The following ARID1A variants were observed in gnomAD, a reference collection of about 807,000 sequenced individuals.
The protein encoded by ARID1A is AT-rich interaction domain 1A.
Under a neutral mutation model 212.6 loss-of-function variants are expected in ARID1A, and 20 were observed. The observed-to-expected ratio is 0.09, with a 90% CI of 0.07 to 0.14. ARID1A has a LOEUF of 0.14. Ranked by LOEUF, ARID1A falls within the 10% of genes least tolerant of loss-of-function variation. The pLI, the probability that ARID1A is intolerant of heterozygous loss-of-function variation, is 1.00. For missense variants in ARID1A, 2,587 were observed against 3,059.0 expected, an observed-to-expected ratio of 0.85 and a Z score of 3.64; for synonymous variants, 1,376 against 1,222.1, an observed-to-expected ratio of 1.13 and a Z score of -2.63.
rs754330142 is a variant in ARID1A at position 26,766,448 on chromosome 1, C to G, written c.2879-9C>G. On this transcript the variant is annotated splice_polypyrimidine_tract_variant and intron_variant, in intron 9 of 19. Coordinates refer to ENST00000324856, the MANE Select transcript of ARID1A (RefSeq NM_006015.6). The stretch of plus-strand genomic sequence containing the variant: ...TTACTGGACTTGAGAATTTTTTTCT[C>G]TTTTACAGGGATGGCAGCCAGCCCA... The G allele has an allele frequency of 3.1e-6, 5 of 1,613,456 alleles. No individual in the cohort carries two copies. The highest frequency in any genetic ancestry group is 4.2e-6 in the Non-Finnish European group (5 of 1,179,808).
intron 4 of ARID1A, among the ~76,000 whole-genome samples, chr1:26,746,852 T>C (rs1290093391): frequency 6.6e-6 from 1 of 152,090 alleles, no homozygotes; most frequent in Admixed American, 6.5e-5. Context: ...GCCAATATGG[T>C]AAAACCCTAT....
At chr1:26,745,702 C>A (rs770012267) in intron 4 of ARID1A, among the ~76,000 whole-genome samples, 7 of 152,118 alleles carry the variant, frequency 4.6e-5, no homozygotes, top group Non-Finnish European at 8.8e-5. Flanking sequence ...TCCAGTGGTT[C>A]TACTGTTGCT....
At position 26,761,435 on chromosome 1, in the gene ARID1A, A is replaced by T. The variant is rs2080991268; in HGVS notation, c.2213A>T (p.His738Leu). 1 of 1,614,214 alleles carries T rather than the reference A, an allele frequency of 6.2e-7. No homozygotes were observed. The highest frequency in any genetic ancestry group is 1.1e-5 in the South Asian group (1 of 91,090). Residue 738 changes from histidine to leucine, a missense_variant, in exon 6 of 20, where the codon CAT becomes CTT. Coordinates refer to ENST00000324856, the MANE Select transcript of ARID1A (RefSeq NM_006015.6). ...AGTGGCCAGTCGGACAGCATCATGC[A>T]TCCTTCCATGAACCAATCAAGCATT... ...PPSGQSDSIM[H>L]PSMNQSSIAQ...
chr1:26,744,528 C>T (rs919474767), intron 4 of ARID1A, among the ~76,000 whole-genome samples: 6 of 152,176 alleles, frequency 3.9e-5, no homozygotes, highest in Admixed American at 1.3e-4. Context: ...TTCAGTTTGT[C>T]GTCAGCCCTG....
chr1:26,730,628 G>T (rs1213830512), intron 2 of ARID1A, among the ~76,000 whole-genome samples: 1 of 151,964 alleles, frequency 6.6e-6, no homozygotes, highest in East Asian at 1.9e-4. Flanking sequence ...TATCCCCAGT[G>T]CCTAAAATAG....
At chr1:26,732,130 G>A (rs2080684546) in intron 3 of ARID1A, among the ~76,000 whole-genome samples, 1 of 152,116 alleles carries the variant, frequency 6.6e-6, no homozygotes, top group Admixed American at 6.5e-5. Context: ...ATTTTGTTTG[G>A]GGAAATAGCA....
At position 26,779,825 on chromosome 1, in the gene ARID1A, C is replaced by T. The variant is rs2124144143; in HGVS notation, c.5927C>T (p.Ser1976Phe). The change falls in exon 20 of 20, where the codon TCT (serine) becomes TTT (phenylalanine). Residue 1976 changes from serine (S) to phenylalanine (F), a missense_variant. Physicochemically the swap from Ser to Phe is radical, Grantham distance 155. This residue lies in a region of ARID1A where 168 missense variants were observed against 321.0 expected (regional missense o/e 0.52). Coordinates refer to ENST00000324856, the MANE Select transcript of ARID1A (RefSeq NM_006015.6). ...PLCTLLDWQD[S>F]LAKRCVCVSN... is the part of the protein sequence containing the mutation. ...TGTACCCTTCTGGACTGGCAGGATT[C>T]TCTTGCCAAGCGCTGCGTCTGTGTG... 1 of 1,614,124 alleles carries T rather than the reference C, an allele frequency of 6.2e-7. No individual in the cohort carries two copies. The highest frequency in any genetic ancestry group is 8.5e-7 in the Non-Finnish European group (1 of 1,180,032).
At chr1:26,729,513 G>T (rs2080652172) in intron 1 of ARID1A, 138 bp from the exon 2 acceptor site, 7 of 949,832 alleles carry the variant, frequency 7.4e-6, no homozygotes, top group Non-Finnish European at 9.6e-6. Flanking sequence ...AAGGTTACTA[G>T]GTTGGTCTCA....
intron 1 of ARID1A, among the ~76,000 whole-genome samples, chr1:26,720,842 C>T (rs941165364): frequency 6.0e-5 from 9 of 150,912 alleles, no homozygotes; most frequent in Non-Finnish European, 7.4e-5. Context: ...GCACTCCAGC[C>T]GGGGTGACAG....
At chr1:26,759,501 C>T (rs904182832) in intron 4 of ARID1A, among the ~76,000 whole-genome samples, 17 of 152,170 alleles carry the variant, frequency 1.1e-4, no homozygotes, top group African/African-American at 3.1e-4. Flanking sequence ...AGCCACTGCG[C>T]GTGGCCCAGT....
At chr1:26,716,654 G>A (rs1343903076) in intron 1 of ARID1A, among the ~76,000 whole-genome samples, 2 of 151,940 alleles carry the variant, frequency 1.3e-5, no homozygotes, top group African/African-American at 2.4e-5. Context: ...ACGGGGAGAT[G>A]GAGTCTTACT....
intron 18 of ARID1A, 59 bp downstream of exon 18, chr1:26,775,279 T>C: frequency 2.0e-6 from 3 of 1,515,050 alleles, no homozygotes; most frequent in Middle Eastern, 2.0e-4. Flanking sequence ...TGTCCATTGT[T>C]CCCTCCACCT....
chr1:26,776,172 A>G (rs1010240082), intron 19 of ARID1A, among the ~76,000 whole-genome samples: 1 of 151,394 alleles, frequency 6.6e-6, no homozygotes, highest in Admixed American at 6.6e-5. Context: ...TGAGCAGAGT[A>G]TGTTTTTTCC....
chr1:26,734,131 A>G (rs1023071121), intron 4 of ARID1A, among the ~76,000 whole-genome samples: 2 of 152,176 alleles, frequency 1.3e-5, no homozygotes, highest in African/African-American at 4.8e-5. Flanking sequence ...CCTTTTCTGC[A>G]TCCTGAACTT....
chr1:26,734,835 A>G (rs1416576713), intron 4 of ARID1A, among the ~76,000 whole-genome samples: 1 of 152,166 alleles, frequency 6.6e-6, no homozygotes, highest in African/African-American at 2.4e-5. Flanking sequence ...TTGCTTCACT[A>G]AACAAATGTT....
At chr1:26,697,563 G>GGCT in intron 1 of ARID1A, 23 bp downstream of exon 1, 1 of 1,306,852 alleles carries the variant, frequency 7.7e-7, no homozygotes, top group Non-Finnish European at 9.7e-7. Flanking sequence ...GTGGGGAGGG[G>GGCT]GCTGGGGCGA....
rs2080281982 is a variant in ARID1A, at chr1:26,697,420, T to C, written c.1017T>C (p.Ala339=). ...PADMASQCWG[A]AAAAAAAAAA... is the part of the protein sequence containing the mutation. ...ACATGGCCTCGCAGTGTTGGGGGGC[T>C]GCGGCGGCGGCAGCTGCGGCGGCGG... Residue 339 remains alanine, a synonymous_variant, in exon 1 of 20, where the codon GCT becomes GCC. Transcript: ENST00000324856. 2 of 1,345,278 alleles carry C rather than the reference T, an allele frequency of 1.5e-6. No homozygotes were observed. Among genetic ancestry groups the C allele is most frequent in the East Asian group, 3.1e-5 (1 of 32,550 alleles). 83.3% of individuals were successfully genotyped at this position (1,345,278 alleles called of 1,614,324 possible). A position where few individuals can be genotyped will look rare whatever the true frequency, so the allele number is the denominator to read the frequency against.
intron 12 of ARID1A, chr1:26,772,251 C>A (rs2081088865): frequency 7.6e-6 from 4 of 524,660 alleles, no homozygotes; most frequent in African/African-American, 1.9e-5. Flanking sequence ...CAGGGAATCA[C>A]CAGCATGGTG....
Position 26,779,682 on chromosome 1 carries a change from G to T in ARID1A, c.5784G>T (p.Lys1928Asn). 1.2e-6 allele frequency: 2 copies of T among 1,614,124 alleles called. No homozygotes were observed. Among genetic ancestry groups the T allele is most frequent in the Non-Finnish European group, 1.7e-6 (2 of 1,180,032 alleles). Residue 1928 changes from lysine to asparagine, a missense_variant, in exon 20 of 20, where the codon AAG becomes AAT. By Grantham distance (94) the Lys-to-Asn change is moderately conservative. Around this residue, in one of 11 missense-constraint regions of ARID1A, gnomAD observed 890 missense variants for 1,098.2 expected, o/e 0.81. Coordinates refer to ENST00000324856, the MANE Select transcript of ARID1A (RefSeq NM_006015.6). ...GCACCTTGACCGAGGATGGAGCTAA[G>T]AGTTCAGAGGCCATCAAGGAGAGCA... ...RSSTLTEDGA[K>N]SSEAIKESSK...
Sources: allele counts gnomAD v4.1 joint callset (sites outside exome capture counted in the v4.1 genomes callset), GRCh38; gene constraint gnomAD v4.1.1; regional missense constraint gnomAD v4.1.1; transcripts MANE v1.5; gene names NCBI Gene and HGNC (gene_info 2026-07-23, HGNC 2026-07-21).